The following IMMP2L variants were observed in gnomAD, a reference collection of about 807,000 sequenced individuals.
IMMP2L encodes inner mitochondrial membrane peptidase subunit 2, also known as mitochondrial inner membrane protease subunit 2.
Under a neutral mutation model 19.3 loss-of-function variants are expected in IMMP2L, and 18 were observed. That is an observed-to-expected ratio of 0.93 (90% CI 0.64 to 1.38). IMMP2L has a LOEUF of 1.38. Ranked by LOEUF, IMMP2L falls within the 40% of genes most tolerant of loss-of-function variation. The probability of loss-of-function intolerance (pLI) is 0.00; values close to 1 mark genes in which losing one functional copy is unlikely to be tolerated. For synonymous variants in IMMP2L, 76 were observed against 73.0 expected (o/e 1.04, Z -0.21); for missense variants, 233 against 218.2 (o/e 1.07, Z -0.43).
At chr7:111,487,534 G>GA (rs368871038) in intron 2 of IMMP2L, among the ~76,000 whole-genome samples, 193 bp from the exon 3 acceptor site, 1 of 151,938 alleles carries the variant, frequency 6.6e-6, no homozygotes, top group Admixed American at 6.6e-5. Context: ...AGATGAACCA[G>GA]AAAAAAATAA....
At chr7:111,446,570 C>G (rs1251187915) in intron 3 of IMMP2L, among the ~76,000 whole-genome samples, 1 of 151,592 alleles carries the variant, frequency 6.6e-6, no homozygotes, top group Non-Finnish European at 1.5e-5. Context: ...TCACCATCAT[C>G]AAAGACCAAA....
intron 4 of IMMP2L, among the ~76,000 whole-genome samples, chr7:110,913,774 T>C (rs2129548813): frequency 6.6e-6 from 1 of 152,218 alleles, no homozygotes. Context: ...AAAATGGGTG[T>C]CCTTTAAAAT....
chr7:111,043,299 A>G (rs1264079043), intron 3 of IMMP2L, among the ~76,000 whole-genome samples: 1 of 152,224 alleles, frequency 6.6e-6, no homozygotes, highest in Non-Finnish European at 1.5e-5. Flanking sequence ...AAAAGTGTTA[A>G]TACAGTATAA....
intron 3 of IMMP2L, among the ~76,000 whole-genome samples, chr7:111,090,242 G>A (rs1234613826): frequency 1.3e-5 from 2 of 152,028 alleles, no homozygotes; most frequent in African/African-American, 4.8e-5. Context: ...TAATAAAAAT[G>A]TTTTACATGT....
intron 5 of IMMP2L, among the ~76,000 whole-genome samples, chr7:110,861,018 ATTTGT>A (rs1807336273): frequency 6.6e-6 from 1 of 150,810 alleles, no homozygotes; most frequent in Admixed American, 6.6e-5. Flanking sequence ...CCTCAAAGGT[ATTTGT>A]TTTATCTCAA....
intron 5 of IMMP2L, among the ~76,000 whole-genome samples, chr7:110,794,578 A>G (rs1362158749): frequency 6.6e-6 from 1 of 152,146 alleles, no homozygotes; most frequent in Non-Finnish European, 1.5e-5. Context: ...CATTTAGGAT[A>G]TTAAGCTTGG....
At position 110,876,826 on chromosome 7, in the gene IMMP2L, C is replaced by G. The variant is rs1408297000; in HGVS notation, c.408+9767G>C. On this transcript the variant is annotated intron_variant, in intron 5 of 5. Transcript: ENST00000405709. The stretch of plus-strand genomic sequence containing the variant: ...CCAAACCAGTCTTGCCAGGATACCT[C>G]TCATAACTTATTACTCTCCTGTTCC... Among the ~76,000 whole-genome samples, 9 of 152,096 alleles carry G rather than the reference C, an allele frequency of 5.9e-5. No individual in the cohort carries two copies. In the East Asian group the frequency reaches 1.7e-3, roughly 29 times the overall value.
intron 1 of IMMP2L, among the ~76,000 whole-genome samples, chr7:111,549,793 T>C (rs1045182504): frequency 1.3e-5 from 2 of 152,090 alleles, no homozygotes; most frequent in Admixed American, 1.3e-4. Flanking sequence ...ATACAAAGAT[T>C]AGCCAGACAT....
At chr7:110,896,633 AAATACTGAGG>A (rs1811348872) in intron 4 of IMMP2L, among the ~76,000 whole-genome samples, 11 of 147,366 alleles carry the variant, frequency 7.5e-5, no homozygotes, top group Admixed American at 2.0e-4. Context: ...TTTAATTTCA[AAATACTGAGG>A]TATTTTCGTA....
chr7:111,010,399 T>C (rs1315644376), intron 3 of IMMP2L, among the ~76,000 whole-genome samples: 1 of 152,148 alleles, frequency 6.6e-6, no homozygotes, highest in Non-Finnish European at 1.5e-5. Flanking sequence ...ATCATTTTAA[T>C]GGTTTTCGTC....
At chr7:111,021,482 A>G (rs923415735) in intron 3 of IMMP2L, among the ~76,000 whole-genome samples, 3 of 152,250 alleles carry the variant, frequency 2.0e-5, no homozygotes, top group Non-Finnish European at 4.4e-5. Context: ...ACAGTTCTAC[A>G]TGCCTGGGGA....
chr7:111,560,583 A>C (rs1791924993), intron 1 of IMMP2L, among the ~76,000 whole-genome samples: 1 of 152,216 alleles, frequency 6.6e-6, no homozygotes, highest in South Asian at 2.1e-4. Flanking sequence ...CTGTTCTCCC[A>C]CAACACTGTA....
intron 5 of IMMP2L, among the ~76,000 whole-genome samples, chr7:110,789,900 C>A (rs1243408759): frequency 6.6e-6 from 1 of 151,664 alleles, no homozygotes; most frequent in Non-Finnish European, 1.5e-5. Context: ...CAGGCTTCTA[C>A]TCATGAGTCA....
At chr7:111,222,646 C>T (rs1256746172) in intron 3 of IMMP2L, among the ~76,000 whole-genome samples, 2 of 151,796 alleles carry the variant, frequency 1.3e-5, no homozygotes, top group African/African-American at 4.8e-5. Flanking sequence ...TTAAAATTTA[C>T]AATCGAACAA....
chr7:110,764,398 G>T (rs1008459017), intron 5 of IMMP2L, among the ~76,000 whole-genome samples: 3 of 151,988 alleles, frequency 2.0e-5, no homozygotes, highest in African/African-American at 4.8e-5. Context: ...CAATATATGA[G>T]TCCCCCCACT....
intron 5 of IMMP2L, among the ~76,000 whole-genome samples, chr7:110,717,713 C>T (rs191373900): frequency 6.6e-6 from 1 of 152,204 alleles, no homozygotes; most frequent in East Asian, 1.9e-4. Context: ...TTGGATTAGG[C>T]AATTAGAAAG....
chr7:110,723,868 A>C (rs1795729505), intron 5 of IMMP2L, among the ~76,000 whole-genome samples: 2 of 151,984 alleles, frequency 1.3e-5, no homozygotes. Flanking sequence ...AAAAAAAAAA[A>C]AAAAAGAACA....
At chr7:111,100,429 T>C (rs540487352) in intron 3 of IMMP2L, among the ~76,000 whole-genome samples, 6 of 148,064 alleles carry the variant, frequency 4.1e-5, no homozygotes, top group Admixed American at 6.8e-5. Context: ...TAATAAAATA[T>C]ATGTAATGAA....
At chr7:111,298,160 G>A (rs945464824) in intron 3 of IMMP2L, among the ~76,000 whole-genome samples, 2 of 152,060 alleles carry the variant, frequency 1.3e-5, no homozygotes, top group Non-Finnish European at 2.9e-5. Flanking sequence ...TGGAAAAGGA[G>A]GAAAGAACCA....
Sources: gnomAD v4.1 joint callset for allele counts (sites outside exome capture counted in the v4.1 genomes callset) on GRCh38, gnomAD v4.1.1 for gene constraint, MANE v1.5 for transcripts, NCBI Gene and HGNC (gene_info 2026-07-23, HGNC 2026-07-21) for gene names.